PHF8: variants seen among roughly 807,000 people sequenced by gnomAD.
The protein encoded by PHF8 is histone lysine demethylase PHF8.
A neutral mutation model predicts 74.4 loss-of-function variants in PHF8; 9 were observed. The observed-to-expected ratio is 0.12, with a 90% confidence interval of 0.07 to 0.21. The LOEUF (loss-of-function observed/expected upper bound fraction) is 0.21. PHF8 is among the 10% of genes least tolerant of loss of function. The pLI is 1.00. For synonymous variants in PHF8, 311 were observed against 316.6 expected, an observed-to-expected ratio of 0.98 and a Z score of 0.19; for missense variants, 478 against 816.6, an observed-to-expected ratio of 0.59 and a Z score of 5.05.
intron 4 of PHF8, among the ~76,000 whole-genome samples, chrX:54,019,646 C>T (rs1377881999): frequency 9.3e-6 from 1 of 107,457 alleles, no homozygotes; most frequent in East Asian, 2.9e-4. Context: ...CAAAAATTAG[C>T]TGGGCATGGT....
intron 11 of PHF8, among the ~76,000 whole-genome samples, chrX:53,998,211 T>C (rs946777696): frequency 2.3e-4 from 26 of 110,995 alleles, no homozygotes; most frequent in Non-Finnish European, 1.7e-4. Flanking sequence ...CCCAGCACTT[T>C]GGGAGGCTGA....
intron 18 of PHF8, among the ~76,000 whole-genome samples, chrX:53,980,027 A>G (rs1005192922): frequency 1.7e-4 from 19 of 111,453 alleles, no homozygotes; most frequent in African/African-American, 5.9e-4. Flanking sequence ...CCTGAACTCT[A>G]TGAGAGTAGT....
intron 14 of PHF8, among the ~76,000 whole-genome samples, chrX:53,989,922 G>T (rs1157534593): frequency 9.0e-6 from 1 of 111,636 alleles, no homozygotes; most frequent in African/African-American, 3.3e-5. Flanking sequence ...CTTACTTTTG[G>T]GGTTGTGAGG....
At chrX:53,994,040 G>A in intron 12 of PHF8, 137 bp from the exon 13 acceptor site, 6 of 473,215 alleles carry the variant, frequency 1.3e-5, no homozygotes, top group Non-Finnish European at 2.2e-5. Flanking sequence ...GCACACCCTA[G>A]CTTTTACATA....
upstream of PHF8, among the ~76,000 whole-genome samples, chrX:54,046,534 G>A (rs1488360003): frequency 9.3e-6 from 1 of 107,035 alleles, no homozygotes; most frequent in Admixed American, 1.0e-4. Context: ...AGTGATCCGA[G>A]ACTGTGTCAT....
intron 4 of PHF8, among the ~76,000 whole-genome samples, chrX:54,021,990 A>G (rs941323310): frequency 2.7e-5 from 3 of 111,906 alleles, no homozygotes; most frequent in Non-Finnish European, 5.6e-5. Flanking sequence ...CTTCTTCTCT[A>G]TGAGAGAATT....
In PHF8 at chrX:53,938,201, C is replaced by T; in HGVS notation, c.*957G>A. 9.2e-7 allele frequency: 1 copy of T among 1,085,655 alleles called. No homozygotes were observed. Among genetic ancestry groups the T allele is most frequent in the Non-Finnish European group, 1.2e-6 (1 of 835,865 alleles). The allele number at this position is 1,085,655 out of a possible 1,213,427, so 89.5% of individuals were successfully genotyped here. On this transcript the variant is annotated 3_prime_UTR_variant, in exon 22 of 22. Coordinates refer to ENST00000338154, the MANE Select transcript of PHF8 (RefSeq NM_015107.3). ...GTCCCGCCACACCCTCCATAATGTC[C>T]AGGCTGTGCTCTGTGGTATAGGCGG...
intron 19 of PHF8, among the ~76,000 whole-genome samples, chrX:53,960,213 C>G (rs1557090294): frequency 9.3e-6 from 1 of 107,539 alleles, no homozygotes; most frequent in Non-Finnish European, 1.9e-5. Context: ...GTAGCTGGGA[C>G]TACAGGCGCC....
At chrX:54,039,398 G>C (rs1392460436) in intron 2 of PHF8, among the ~76,000 whole-genome samples, 2 of 111,398 alleles carry the variant, frequency 1.8e-5, no homozygotes, top group East Asian at 5.6e-4. Flanking sequence ...TGTTCAGTGG[G>C]GGCCCATAGA....
intron 2 of PHF8, among the ~76,000 whole-genome samples, chrX:54,034,006 A>T (rs782808586): frequency 8.9e-6 from 1 of 112,480 alleles, no homozygotes; most frequent in East Asian, 2.8e-4. Context: ...ATCTAACAGA[A>T]TTTTTAGAAC....
intron 1 of PHF8, chrX:54,043,224 T>C (rs2066593970): frequency 3.8e-5 from 21 of 556,376 alleles, no homozygotes; most frequent in Non-Finnish European, 4.4e-5. Context: ...AAAATGAGGC[T>C]GGGGGTATCT....
chrX:54,009,738 G>A (rs2065949468), intron 8 of PHF8, among the ~76,000 whole-genome samples: 1 of 102,932 alleles, frequency 9.7e-6, no homozygotes, highest in South Asian at 4.6e-4. Flanking sequence ...AGCTACTCAG[G>A]AGGCTGAGGC....
chrX:53,948,768 A>C (rs2064871895), intron 19 of PHF8, among the ~76,000 whole-genome samples: 1 of 111,267 alleles, frequency 9.0e-6, no homozygotes, highest in African/African-American at 3.3e-5. Context: ...TCACGCCTGT[A>C]ATCTCAGCAC....
chrX:53,966,430 C>T (rs1318071738), intron 18 of PHF8, among the ~76,000 whole-genome samples: 3 of 112,897 alleles, frequency 2.7e-5, no homozygotes, highest in Admixed American at 9.3e-5. Flanking sequence ...GACTGGGTTT[C>T]GCTGTGTTGG....
intron 18 of PHF8, among the ~76,000 whole-genome samples, chrX:53,983,811 C>T (rs1436648955): frequency 7.1e-5 from 8 of 112,159 alleles, no homozygotes; most frequent in African/African-American, 1.9e-4. Context: ...AGATAGATCT[C>T]TGTATTGATA....
chrX:54,026,952 C>G (rs2066277242), intron 2 of PHF8, among the ~76,000 whole-genome samples: 1 of 111,452 alleles, frequency 9.0e-6, no homozygotes, highest in African/African-American at 3.3e-5. Flanking sequence ...AGAAGCGATG[C>G]ACTTCCTACT....
At chrX:54,015,849 T>A (rs1174927443) in intron 6 of PHF8, among the ~76,000 whole-genome samples, 3 of 111,292 alleles carry the variant, frequency 2.7e-5, no homozygotes, top group African/African-American at 6.5e-5. Context: ...ACTGTGTGTG[T>A]GAGTCCAGAT....
rs1285860161 is a variant in PHF8, at chrX:53,937,061, CTCACT to C, written c.*2092_*2096del. 9.0e-6 allele frequency: 1 copy of C among 110,723 alleles called. No homozygotes were observed. The highest frequency in any genetic ancestry group is 1.9e-5 in the Non-Finnish European group (1 of 52,871). The allele number at this position is 110,723 out of a possible 1,213,427, so 9.1% of individuals were successfully genotyped here. A position where few individuals can be genotyped will look rare whatever the true frequency, so the allele number is the denominator to read the frequency against. ...ACTAACACTCCCAACCCCTCCCCAA[CTCACT>C]TCACTTAGAACCTGAAACATTAAAA... is the stretch of plus-strand genomic sequence containing the variant. On this transcript the variant is annotated 3_prime_UTR_variant, in exon 22 of 22. Coordinates refer to ENST00000338154, the MANE Select transcript of PHF8 (RefSeq NM_015107.3).
intron 19 of PHF8, among the ~76,000 whole-genome samples, chrX:53,950,862 C>CA (rs1357759171): frequency 1.8e-5 from 2 of 111,672 alleles, no homozygotes; most frequent in Non-Finnish European, 3.8e-5. Flanking sequence ...CAGTTTTCAA[C>CA]AAAAAATTAC....
Sources: gnomAD v4.1 joint callset for allele counts (sites outside exome capture counted in the v4.1 genomes callset) on GRCh38, gnomAD v4.1.1 for gene constraint, MANE v1.5 for transcripts, NCBI Gene and HGNC (gene_info 2026-07-23, HGNC 2026-07-21) for gene names.